Variants in SPIRE1 observed in about 807,000 individuals in gnomAD.
SPIRE1 encodes protein spire homolog 1.
SPIRE1 carries 40 observed loss-of-function variants against 94.1 expected under a neutral mutation model. The ratio of observed to expected loss-of-function variants is 0.43; its 90% CI spans 0.33 to 0.55. The LOEUF (loss-of-function observed/expected upper bound fraction) is 0.55. Ranked by LOEUF, SPIRE1 falls within the 20% of genes least tolerant of loss-of-function variation. SPIRE1 has a pLI of 0.06. For missense variants in SPIRE1, 838 were observed against 975.2 expected, an observed-to-expected ratio of 0.86 and a Z score of 1.87; for synonymous variants, 376 against 371.7, an observed-to-expected ratio of 1.01 and a Z score of -0.13.
At chr18:12,531,944 G>A (rs1332926959) in intron 4 of SPIRE1, among the ~76,000 whole-genome samples, 1 of 152,206 alleles carries the variant, frequency 6.6e-6, no homozygotes, top group African/African-American at 2.4e-5. Flanking sequence ...CAGCAGGGCA[G>A]GGTGGCTCTT....
At chr18:12,538,651 A>G (rs2034914381) in intron 3 of SPIRE1, among the ~76,000 whole-genome samples, 1 of 152,060 alleles carries the variant, frequency 6.6e-6, no homozygotes, top group Non-Finnish European at 1.5e-5. Context: ...AGAAGTCACA[A>G]AGACAGCTCA....
intron 2 of SPIRE1, among the ~76,000 whole-genome samples, chr18:12,623,054 C>T (rs1290895146): frequency 3.3e-5 from 5 of 152,030 alleles, no homozygotes; most frequent in East Asian, 3.9e-4. Flanking sequence ...GAAGAGATGC[C>T]GAGAAAAATA....
At chr18:12,463,025 G>A (rs942117378) in intron 12 of SPIRE1, among the ~76,000 whole-genome samples, 3 of 152,034 alleles carry the variant, frequency 2.0e-5, no homozygotes, top group Non-Finnish European at 4.4e-5. Context: ...ATCCTCTTAA[G>A]CAGCTGGGGC....
At chr18:12,478,084 T>C (rs1276612859) in intron 10 of SPIRE1, among the ~76,000 whole-genome samples, 2 of 152,184 alleles carry the variant, frequency 1.3e-5, no homozygotes, top group South Asian at 4.1e-4. Flanking sequence ...TTATTGTTAT[T>C]AGTGTTTGAA....
chr18:12,455,775 C>CCA (rs1295209270), intron 12 of SPIRE1, among the ~76,000 whole-genome samples: 2 of 152,034 alleles, frequency 1.3e-5, no homozygotes, highest in Non-Finnish European at 2.9e-5. Flanking sequence ...TAATTCACTC[C>CCA]CACACACACA....
At chr18:12,562,319 C>T (rs922281427) in intron 2 of SPIRE1, among the ~76,000 whole-genome samples, 4 of 152,106 alleles carry the variant, frequency 2.6e-5, no homozygotes, top group Non-Finnish European at 5.9e-5. Context: ...TGATCTCACT[C>T]TGTCACTCAG....
intron 6 of SPIRE1, among the ~76,000 whole-genome samples, chr18:12,496,517 T>C (rs879470541): frequency 3.3e-5 from 5 of 152,018 alleles, no homozygotes; most frequent in Non-Finnish European, 7.4e-5. Context: ...GCGGAACCCC[T>C]GAGGTAGGGA....
intron 2 of SPIRE1, among the ~76,000 whole-genome samples, chr18:12,584,828 G>GAGA (rs1209462995): frequency 6.6e-6 from 1 of 152,074 alleles, no homozygotes; most frequent in East Asian, 1.9e-4. Context: ...TGCCCAGGCT[G>GAGA]GAGTGCAGTG....
intron 9 of SPIRE1, among the ~76,000 whole-genome samples, chr18:12,485,744 A>G (rs2033012989): frequency 2.6e-5 from 4 of 152,290 alleles, no homozygotes; most frequent in South Asian, 2.1e-4. Context: ...GGTTCTTCCA[A>G]AATTGCTTAG....
intron 1 of SPIRE1, among the ~76,000 whole-genome samples, chr18:12,655,799 G>A (rs965682837): frequency 7.2e-5 from 11 of 152,184 alleles, no homozygotes; most frequent in African/African-American, 2.4e-4. Context: ...TAAACTGGGG[G>A]CTTGTTCTCT....
chr18:12,660,617 G>A (rs188298067), upstream of SPIRE1, among the ~76,000 whole-genome samples: 378 of 152,110 alleles, frequency 2.5e-3, 4 homozygotes, highest in African/African-American at 8.8e-3. Context: ...CACTGTGCCC[G>A]GCCAAAAGAT....
intron 1 of SPIRE1, among the ~76,000 whole-genome samples, chr18:12,653,999 C>T (rs1005446563): frequency 6.6e-6 from 1 of 151,148 alleles, no homozygotes; most frequent in South Asian, 2.1e-4. Context: ...AAAACATAAA[C>T]GTTGCAGATT....
chr18:12,455,634 C>T (rs561076986), intron 12 of SPIRE1, among the ~76,000 whole-genome samples: 52 of 152,322 alleles, frequency 3.4e-4, no homozygotes, highest in African/African-American at 1.2e-3. Flanking sequence ...GCTCCCCATC[C>T]GGCCCCGCAC....
intron 2 of SPIRE1, among the ~76,000 whole-genome samples, chr18:12,573,249 T>C (rs913204056): frequency 1.3e-5 from 2 of 152,094 alleles, no homozygotes; most frequent in African/African-American, 2.4e-5. Flanking sequence ...CTCTACATCA[T>C]ATGCCATTAA....
chr18:12,479,956 T>C, intron 9 of SPIRE1, 85 bp from the exon 10 acceptor site: 1 of 1,330,196 alleles, frequency 7.5e-7, no homozygotes, highest in Non-Finnish European at 1.0e-6. Flanking sequence ...GAGCATTTCA[T>C]ACAAAAACAC....
At chr18:12,502,925 T>C (rs1029571512) in intron 6 of SPIRE1, among the ~76,000 whole-genome samples, 4 of 152,126 alleles carry the variant, frequency 2.6e-5, no homozygotes, top group Admixed American at 1.3e-4. Context: ...GTGGCTAACC[T>C]GATGAAACCA....
At chr18:12,461,082 C>CA (rs879804940) in intron 12 of SPIRE1, among the ~76,000 whole-genome samples, 21 of 152,060 alleles carry the variant, frequency 1.4e-4, no homozygotes, top group Admixed American at 1.2e-3. Context: ...TCCTGCTCCA[C>CA]AAAAAAACAG....
At chr18:12,472,686 G>A (rs983732782) in intron 10 of SPIRE1, among the ~76,000 whole-genome samples, 5 of 151,450 alleles carry the variant, frequency 3.3e-5, no homozygotes, top group African/African-American at 9.7e-5. Flanking sequence ...TGCGGGGGGG[G>A]ACTTGCTCTG....
At chr18:12,542,932 TTC>T (rs2035050996) in intron 3 of SPIRE1, among the ~76,000 whole-genome samples, 1 of 152,198 alleles carries the variant, frequency 6.6e-6, no homozygotes, top group East Asian at 1.9e-4. Flanking sequence ...GTTCAAGCCA[TTC>T]TCCTGCCTTA....
Sources: allele counts gnomAD v4.1 joint callset (sites outside exome capture counted in the v4.1 genomes callset), GRCh38; gene constraint gnomAD v4.1.1; transcripts MANE v1.5; gene names NCBI Gene and HGNC (gene_info 2026-07-23, HGNC 2026-07-21).